The following MIB1 variants were observed in gnomAD, a reference collection of about 807,000 sequenced individuals.
MIB1 encodes the protein MIB E3 ubiquitin protein ligase 1.
A neutral mutation model predicts 124.5 loss-of-function variants in MIB1; 278 were observed. The observed-to-expected ratio is 2.23, with a 90% confidence interval of 2.02 to 2.47. The LOEUF (loss-of-function observed/expected upper bound fraction) is 2.47. Ranked by LOEUF, MIB1 falls within the 30% of genes most tolerant of loss-of-function variation. The pLI is 0.00. For synonymous variants in MIB1, 446 were observed against 429.4 expected (o/e 1.04, Z -0.48); for missense variants, 957 against 1,254.4 (o/e 0.76, Z 3.58).
At chr18:21,749,233 A>G (rs1318723456) in intron 1 of MIB1, among the ~76,000 whole-genome samples, 1 of 152,244 alleles carries the variant, frequency 6.6e-6, no homozygotes, top group Non-Finnish European at 1.5e-5. Flanking sequence ...ATGTATTTCC[A>G]TATAGGTATG....
At position 21,853,212 on chromosome 18, in the gene MIB1, TG is replaced by T; in HGVS notation, c.2660del (p.Cys887LeufsTer7). The T allele has an allele frequency of 6.2e-7, 1 of 1,607,088 alleles. No homozygotes were observed. Among genetic ancestry groups the T allele is most frequent in the African/African-American group, 1.3e-5 (1 of 74,914 alleles). ...TCAACCCTGTGGCCACATGTGTGCT[TG>T]TGAGAGTAAGTAGCCTATGCAGAGT... ...LFQPCGHMCACENCANLMKKC... is the reference protein window; with the variant it reads ...LFQPCGHMCAXENCANLMKKC... On this transcript the variant is annotated frameshift_variant, in exon 18 of 21. Coordinates refer to ENST00000261537, the MANE Select transcript of MIB1 (RefSeq NM_020774.4). LOFTEE classifies it high-confidence loss of function.
chr18:21,733,248 T>A (rs1385646210), intron 1 of MIB1, among the ~76,000 whole-genome samples: 1 of 152,192 alleles, frequency 6.6e-6, no homozygotes, highest in East Asian at 1.9e-4. Flanking sequence ...AGAGTTTGCT[T>A]GATTTTAATT....
rs1333341632 is a variant in MIB1, at chr18:21,803,965, T to C, written c.1430T>C (p.Val477Ala). ...CAAGCTGCTAGTCAGAATGGACATG[T>C]TGACATTTTGAAGTTACTTTTGAAG... ...AMQAASQNGH[V>A]DILKLLLKQN... Residue 477 changes from valine (V) to alanine (A), a missense_variant, in exon 10 of 21, where the codon GTT (valine) becomes GCT (alanine). Transcript: ENST00000261537. 1 of 1,613,886 alleles carries C rather than the reference T, an allele frequency of 6.2e-7. No homozygotes were observed. The highest frequency in any genetic ancestry group is 1.7e-5 in the Admixed American group (1 of 60,028).
intron 13 of MIB1, among the ~76,000 whole-genome samples, chr18:21,841,909 G>T (rs578096298): frequency 6.6e-6 from 1 of 151,828 alleles, no homozygotes; most frequent in African/African-American, 2.4e-5. Context: ...TGATGGAAAA[G>T]CTCAGGAAAC....
At chr18:21,737,146 A>G (rs902023158), upstream of MIB1, among the ~76,000 whole-genome samples, 1 of 152,216 alleles carries the variant, frequency 6.6e-6, no homozygotes, top group Non-Finnish European at 1.5e-5. Context: ...AAGGAATCCC[A>G]TTAGAAGGGG....
At chr18:21,769,644 T>C (rs941416137) in intron 3 of MIB1, among the ~76,000 whole-genome samples, 1 of 152,238 alleles carries the variant, frequency 6.6e-6, no homozygotes, top group African/African-American at 2.4e-5. Flanking sequence ...CACATTCTAG[T>C]AACTTCTTTT....
At chr18:21,824,883 C>T (rs1360394108) in intron 12 of MIB1, among the ~76,000 whole-genome samples, 2 of 151,926 alleles carry the variant, frequency 1.3e-5, no homozygotes, top group Non-Finnish European at 2.9e-5. Context: ...GAGTAATTGT[C>T]ACTTTTTTTC....
At chr18:21,773,271 A>G (rs1387365193) in intron 3 of MIB1, among the ~76,000 whole-genome samples, 1 of 152,172 alleles carries the variant, frequency 6.6e-6, no homozygotes. Flanking sequence ...TCTCAAAACC[A>G]AAAACCAAAA....
At chr18:21,768,396 A>T (rs1013757231) in intron 2 of MIB1, among the ~76,000 whole-genome samples, 6 of 152,186 alleles carry the variant, frequency 3.9e-5, no homozygotes, top group Non-Finnish European at 7.3e-5. Flanking sequence ...TTATATAATA[A>T]AAGCTTAGTA....
intron 10 of MIB1, among the ~76,000 whole-genome samples, chr18:21,811,861 TG>T (rs1356358979): frequency 6.6e-6 from 1 of 152,092 alleles, no homozygotes; most frequent in Non-Finnish European, 1.5e-5. Flanking sequence ...CATTTAAAAA[TG>T]GTGAAGATGG....
At chr18:21,768,549 T>C (rs2041190099) in intron 2 of MIB1, 74 bp from the exon 3 acceptor site, 6 of 1,080,576 alleles carry the variant, frequency 5.6e-6, no homozygotes, top group Middle Eastern at 3.2e-4. Flanking sequence ...AACATTTTTA[T>C]AATTTTGTTT....
Position 21,860,098 on chromosome 18 carries a change from C to CT in MIB1, c.2880+1479dup, listed in dbSNP as rs398032096. On this transcript the variant is annotated intron_variant, in intron 20 of 20. Transcript: ENST00000261537. ...GTGTTGGTTATGTTGTTCTTTATGT[C>CT]TTTTTTTTTTTTTTTTTTTTTTTTT... Among the ~76,000 whole-genome samples the CT allele has an allele frequency of 5.3e-3, 140 of 26,462 alleles. 31 individuals are homozygous for CT. Among genetic ancestry groups the CT allele is most frequent in the African/African-American group, 0.014 (119 of 8,208 alleles). 17.4% of individuals were successfully genotyped at this position (26,462 alleles called of 152,430 possible). A position where few individuals can be genotyped will look rare whatever the true frequency, so the allele number is the denominator to read the frequency against.
intron 20 of MIB1, 95 bp downstream of exon 20, chr18:21,858,741 T>C: frequency 1.4e-6 from 1 of 690,130 alleles, no homozygotes; most frequent in Non-Finnish European, 2.6e-6. Context: ...ATGGTTTATA[T>C]TAGTGTATCA....
intron 1 of MIB1, among the ~76,000 whole-genome samples, chr18:21,753,872 T>G (rs1263757833): frequency 6.6e-6 from 1 of 152,110 alleles, no homozygotes; most frequent in African/African-American, 2.4e-5. Flanking sequence ...GAGACAGGAT[T>G]CCACCATGTT....
upstream of MIB1, among the ~76,000 whole-genome samples, chr18:21,737,492 A>T (rs1906715743): frequency 6.6e-6 from 1 of 152,210 alleles, no homozygotes; most frequent in South Asian, 2.1e-4. Flanking sequence ...ATAACCAGCT[A>T]GCATCATAAT....
rs530053733 is a variant in MIB1 at position 21,860,681 on chromosome 18, A to C, written c.2880+2035A>C. Among the ~76,000 whole-genome samples, 5 of 152,310 alleles carry C rather than the reference A, an allele frequency of 3.3e-5. No homozygotes were observed. The East Asian group carries it at 9.7e-4, about 29-fold the overall frequency. ...TGTGTTTTCTATCTGAATTTATAAG[A>C]AAATAACATAGTCAGTAGTTAGCGG... On this transcript the variant is annotated intron_variant, in intron 20 of 20. Transcript: ENST00000261537.
intron 1 of MIB1, among the ~76,000 whole-genome samples, chr18:21,723,218 A>G: frequency 6.6e-6 from 1 of 152,040 alleles, no homozygotes. Flanking sequence ...ATGTTGGCTT[A>G]TGTCCCTTTG....
chr18:21,719,188 C>CAA (rs201457192), intron 1 of MIB1, among the ~76,000 whole-genome samples: 1 of 95,148 alleles, frequency 1.1e-5, no homozygotes. Flanking sequence ...AACTCCGTCT[C>CAA]AAAAAAAAAA....
At chr18:21,806,364 C>T (rs1297042782) in intron 10 of MIB1, among the ~76,000 whole-genome samples, 1 of 151,934 alleles carries the variant, frequency 6.6e-6, no homozygotes, top group Non-Finnish European at 1.5e-5. Context: ...TCATGCTTGG[C>T]TAATTTTTAA....
Sources: gnomAD v4.1 joint callset for allele counts (sites outside exome capture counted in the v4.1 genomes callset) on GRCh38, gnomAD v4.1.1 for gene constraint, MANE v1.5 for transcripts, NCBI Gene and HGNC (gene_info 2026-07-23, HGNC 2026-07-21) for gene names.